The following PAX6 variants were observed in gnomAD, a reference collection of about 807,000 sequenced individuals.
The protein encoded by PAX6 is paired box 6.
A neutral mutation model predicts 60.7 loss-of-function variants in PAX6; 7 were observed. The observed-to-expected ratio is 0.12, with a 90% CI of 0.07 to 0.22. The LOEUF (loss-of-function observed/expected upper bound fraction) is 0.22. Ranked by LOEUF, PAX6 falls within the 10% of genes least tolerant of loss-of-function variation. PAX6 has a pLI of 1.00. For missense variants in PAX6, 355 were observed against 555.2 expected (o/e 0.64, Z 3.62); for synonymous variants, 208 against 201.2 (o/e 1.03, Z -0.29).
intron 1 of PAX6, chr11:31,816,346 C>T (rs577675561): frequency 1.8e-6 from 1 of 558,220 alleles, no homozygotes; most frequent in Non-Finnish European, 3.2e-6. Context: ...ATCACGGGCG[C>T]CCTCCGATCA....
chr11:31,793,020 C>T lies in PAX6; in HGVS notation c.1074+418G>A, dbSNP rs191678622. 7.7e-4 allele frequency: 416 copies of T among 542,104 alleles called. 3 individuals are homozygous for T. Among genetic ancestry groups the T allele is most frequent in the African/African-American group, 6.7e-3 (355 of 53,108 alleles). The allele number at this position is 542,104 out of a possible 1,614,324, so 33.6% of individuals were successfully genotyped here. A position where few individuals can be genotyped will look rare whatever the true frequency, so the allele number is the denominator to read the frequency against. On this transcript the variant is annotated intron_variant, in intron 12 of 13. Coordinates refer to ENST00000640368, the MANE Select transcript of PAX6 (RefSeq NM_001368894.2). ...TATACCCAAAGTAATGCCCCAAATG[C>T]GTGCACAGATTCTATATTTAGCATA... is the stretch of plus-strand genomic sequence containing the variant.
At chr11:31,816,140 G>C (rs1957364933), upstream of PAX6, 1 of 155,568 alleles carries the variant, frequency 6.4e-6, no homozygotes, top group South Asian at 2.0e-4. Flanking sequence ...CCGCGGGAAA[G>C]TTTGTGCAGC....
At chr11:31,814,993 T>TCTCC (rs1491019142), upstream of PAX6, 7 of 42,782 alleles carry the variant, frequency 1.6e-4, no homozygotes, top group Non-Finnish European at 6.4e-4. Context: ...CCAGCCTGTC[T>TCTCC]CTCTCTCTCT....
intron 13 of PAX6, 30 bp downstream of exon 13, chr11:31,790,680 C>G: frequency 6.2e-7 from 1 of 1,613,794 alleles, no homozygotes; most frequent in Non-Finnish European, 8.5e-7. Flanking sequence ...GAGATCGCCT[C>G]TGTGCAGCCT....
At chr11:31,797,393 A>C (rs1357801441) in intron 8 of PAX6, among the ~76,000 whole-genome samples, 1 of 152,080 alleles carries the variant, frequency 6.6e-6, no homozygotes, top group African/African-American at 2.4e-5. Flanking sequence ...ACACAAACAT[A>C]CACACGGGTT....
Position 31,789,906 on chromosome 11 carries a change from C to A in PAX6, c.*28G>T. The stretch of plus-strand genomic sequence containing the variant: ...CACTGACTGAATTAACACAATATTT[C>A]CTTTCCTTTTTTTTTTTTTTTTTTT... On this transcript the variant is annotated 3_prime_UTR_variant, in exon 14 of 14. Coordinates refer to ENST00000640368, the MANE Select transcript of PAX6 (RefSeq NM_001368894.2). 6.7e-7 allele frequency: 1 copy of A among 1,492,464 alleles called. No homozygotes were observed. The highest frequency in any genetic ancestry group is 1.2e-5 in the South Asian group (1 of 82,390). 92.5% of individuals were successfully genotyped at this position (1,492,464 alleles called of 1,614,324 possible).
intron 8 of PAX6, 196 bp downstream of exon 8, chr11:31,800,495 A>G (rs1451229339): frequency 4.0e-6 from 3 of 747,210 alleles, no homozygotes; most frequent in Non-Finnish European, 7.0e-6. Context: ...CAACCCTCAC[A>G]TTCCCAGGCC....
chr11:31,810,014 G>C (rs1415544118), intron 2 of PAX6: 1 of 152,492 alleles, frequency 6.6e-6, no homozygotes, highest in Non-Finnish European at 1.5e-5. Flanking sequence ...TCCGAGCTCA[G>C]CGCTCCAGTG....
At chr11:31,810,253 C>T (rs889612550) in intron 2 of PAX6, 3 of 152,278 alleles carry the variant, frequency 2.0e-5, no homozygotes, top group African/African-American at 7.2e-5. Flanking sequence ...CCGGCTGACT[C>T]TTCTGCGCCG....
intron 8 of PAX6, among the ~76,000 whole-genome samples, chr11:31,800,193 C>G (rs558249644): frequency 6.6e-6 from 1 of 152,124 alleles, no homozygotes; most frequent in South Asian, 2.1e-4. Flanking sequence ...GAGACCACCA[C>G]TTCCAATGCC....
chr11:31,802,675 G>T, intron 5 of PAX6, 29 bp downstream of exon 5: 4 of 1,602,386 alleles, frequency 2.5e-6, no homozygotes, highest in Non-Finnish European at 3.4e-6. Flanking sequence ...CCGCGGGGGC[G>T]GCGAGTGGGG....
At chr11:31,813,409 C>G (rs1194784876), upstream of PAX6, among the ~76,000 whole-genome samples, 2 of 136,430 alleles carry the variant, frequency 1.5e-5, no homozygotes, top group Non-Finnish European at 3.1e-5. Flanking sequence ...GGAAGTGATT[C>G]TGTCCGAACT....
chr11:31,793,362 T>G, intron 12 of PAX6, 76 bp downstream of exon 12: 1 of 1,225,262 alleles, frequency 8.2e-7, no homozygotes, highest in Non-Finnish European at 1.2e-6. Flanking sequence ...ACACAGCCAA[T>G]GAGGTCCGCA....
In PAX6 at chr11:31,806,483, G is replaced by C; in HGVS notation, c.-51-21C>G. 15 of 1,562,946 alleles carry C rather than the reference G, an allele frequency of 9.6e-6. No individual in the cohort carries two copies. The South Asian group carries it at 1.4e-4, about 15-fold the overall frequency. ...GGGCTCTGTTAGCAAGAAAATAGGA[G>C]TTAATCCTCGGGCAGCTGCATCAGG... On this transcript the variant is annotated intron_variant, in intron 3 of 13. Transcript: ENST00000640368.
rs1355270786 is a variant in PAX6 at position 31,806,175 on chromosome 11, G to T, written c.10+227C>A. 5 of 509,394 alleles carry T rather than the reference G, an allele frequency of 9.8e-6. No individual in the cohort carries two copies. The East Asian group carries it at 1.7e-4, about 17-fold the overall frequency. 31.6% of individuals were successfully genotyped at this position (509,394 alleles called of 1,614,324 possible). ...GCAGCTTCGAAAACTCGGGCGGGCT[G>T]TTCTTAAGGGCCCAGCCCCTGCTTC... is the stretch of plus-strand genomic sequence containing the variant. On this transcript the variant is annotated intron_variant, in intron 4 of 13. Transcript: ENST00000640368.
intron 12 of PAX6, 100 bp downstream of exon 12, chr11:31,793,338 T>C: frequency 1.0e-6 from 1 of 974,954 alleles, no homozygotes; most frequent in Admixed American, 1.7e-5. Context: ...TGCGAAAAGC[T>C]CTCAAGGGTG....
At chr11:31,802,876 G>GAGAGCAGAGTGAAGAGGAAGA (rs1565246951) in intron 4 of PAX6, 42 bp from the exon 5 acceptor site, 1 of 1,594,460 alleles carries the variant, frequency 6.3e-7, no homozygotes, top group South Asian at 1.1e-5. Flanking sequence ...AAGAAGAGAA[G>GAGAGCAGAGTGAAGAGGAAGA]AGAGCAGAGT....
intron 4 of PAX6, 195 bp downstream of exon 4, chr11:31,806,207 A>G: frequency 1.8e-6 from 1 of 556,022 alleles, no homozygotes. Context: ...CTTCTCCAGT[A>G]TCGAGAAGAG....
intron 4 of PAX6, chr11:31,805,149 C>G (rs1955391954): frequency 6.6e-6 from 1 of 152,290 alleles, no homozygotes; most frequent in Non-Finnish European, 1.5e-5. Flanking sequence ...GCCGGCCGGC[C>G]CGCGACCCCG....
Sources: gnomAD v4.1 joint callset for allele counts (sites outside exome capture counted in the v4.1 genomes callset) on GRCh38, gnomAD v4.1.1 for gene constraint, MANE v1.5 for transcripts, NCBI Gene and HGNC (gene_info 2026-07-23, HGNC 2026-07-21) for gene names.